The following PPP2R5E variants were observed in gnomAD, a reference collection of about 807,000 sequenced individuals.
PPP2R5E encodes serine/threonine-protein phosphatase 2A 56 kDa regulatory subunit epsilon isoform.
In PPP2R5E, 4 loss-of-function variants were observed where a neutral mutation model predicts 65.3. That is an observed-to-expected ratio of 0.06 (90% confidence interval 0.03 to 0.14). The LOEUF is 0.14. Ranked by LOEUF, PPP2R5E falls within the 10% of genes least tolerant of loss-of-function variation. The probability of loss-of-function intolerance (pLI) is 1.00; values close to 1 mark genes in which losing one functional copy is unlikely to be tolerated. For synonymous variants in PPP2R5E, 183 were observed against 187.4 expected (o/e 0.98, Z 0.19); for missense variants, 274 against 556.1 (o/e 0.49, Z 5.10).
chr14:63,520,558 T>C (rs544231685), intron 2 of PPP2R5E, among the ~76,000 whole-genome samples: 34 of 152,312 alleles, frequency 2.2e-4, no homozygotes, highest in Admixed American at 7.2e-4. Context: ...TGGTGTATCA[T>C]ATGGCTCAAC....
chr14:63,419,800 A>G (rs1444400351), intron 4 of PPP2R5E, among the ~76,000 whole-genome samples: 1 of 152,224 alleles, frequency 6.6e-6, no homozygotes, highest in Non-Finnish European at 1.5e-5. Context: ...CAGGATGTCA[A>G]CACACATGAA....
chr14:63,485,324 G>A (rs911484095), intron 2 of PPP2R5E, among the ~76,000 whole-genome samples: 10 of 151,932 alleles, frequency 6.6e-5, no homozygotes, highest in Non-Finnish European at 1.0e-4. Flanking sequence ...AGCAGGTCTC[G>A]AACTCTTGGC....
At chr14:63,469,032 C>A (rs1889979691) in intron 2 of PPP2R5E, among the ~76,000 whole-genome samples, 1 of 152,176 alleles carries the variant, frequency 6.6e-6, no homozygotes, top group South Asian at 2.1e-4. Flanking sequence ...TTTCAACCTT[C>A]CCACAACACG....
In PPP2R5E at chr14:63,433,032, G is replaced by GTTTTTTTTTTTTTTTTTT. The variant is rs747571866; in HGVS notation, c.355-10956_355-10939dup. ...ACAGTTTTGTTTTTTGTTTTGTTTT[G>GTTTTTTTTTTTTTTTTTT]TTTTTTTTTTTTTTTTTTTTTTTGA... On this transcript the variant is annotated intron_variant, in intron 3 of 13. Coordinates refer to ENST00000337537, the MANE Select transcript of PPP2R5E (RefSeq NM_006246.5). Among the ~76,000 whole-genome samples, 61 of 96,454 alleles carry GTTTTTTTTTTTTTTTTTT rather than the reference G, an allele frequency of 6.3e-4. 1 individual carries two copies. Among genetic ancestry groups the GTTTTTTTTTTTTTTTTTT allele is most frequent in the East Asian group, 9.6e-4 (3 of 3,122 alleles). 63.3% of individuals were successfully genotyped at this position (96,454 alleles called of 152,430 possible).
At chr14:63,542,605 T>C (rs538284597) in intron 1 of PPP2R5E, among the ~76,000 whole-genome samples, 174 bp downstream of exon 1, 126 of 151,978 alleles carry the variant, frequency 8.3e-4, no homozygotes, top group African/African-American at 2.9e-3. Context: ...ATCAGAAGCA[T>C]TTGTAGGTAA....
chr14:63,460,056 G>A (rs1457302205), intron 2 of PPP2R5E, among the ~76,000 whole-genome samples: 1 of 152,166 alleles, frequency 6.6e-6, no homozygotes, highest in Non-Finnish European at 1.5e-5. Flanking sequence ...GTCATAGAAT[G>A]ACTAGCACAG....
At chr14:63,528,621 A>G (rs982831293) in intron 2 of PPP2R5E, among the ~76,000 whole-genome samples, 6 of 152,204 alleles carry the variant, frequency 3.9e-5, no homozygotes, top group Non-Finnish European at 8.8e-5. Flanking sequence ...AAAAGTTTTC[A>G]TTAAACAAGT....
Position 63,395,370 on chromosome 14 carries a change from G to GGGGGAGGAGGA in PPP2R5E, c.681-96_681-86dup, listed in dbSNP as rs1267218966. ...AAAAAGAGGAGGAGGAGGAGGAGAA[G>GGGGGAGGAGGA]GGGGAGGAGGAGGAGAAGAGGAGGA... is the stretch of plus-strand genomic sequence containing the variant. On this transcript the variant is annotated intron_variant, in intron 6 of 13. Coordinates refer to ENST00000337537, the MANE Select transcript of PPP2R5E (RefSeq NM_006246.5). 4 of 815,762 alleles carry GGGGGAGGAGGA rather than the reference G, an allele frequency of 4.9e-6. No individual in the cohort carries two copies. The Admixed American group carries it at 8.8e-5, about 18-fold the overall frequency. The allele number at this position is 815,762 out of a possible 1,614,324, so 50.5% of individuals were successfully genotyped here.
chr14:63,384,600 G>A, intron 11 of PPP2R5E, 29 bp from the exon 12 acceptor site: 1 of 1,557,688 alleles, frequency 6.4e-7, no homozygotes, highest in Non-Finnish European at 8.7e-7. Context: ...AAAATGTTAA[G>A]AGAGAGAAAA....
chr14:63,476,533 G>C (rs1890420629), intron 2 of PPP2R5E, among the ~76,000 whole-genome samples: 1 of 152,092 alleles, frequency 6.6e-6, no homozygotes, highest in African/African-American at 2.4e-5. Context: ...TAATAAGGAG[G>C]CTTCAAATCC....
intron 11 of PPP2R5E, among the ~76,000 whole-genome samples, chr14:63,386,863 G>A (rs1035568480): frequency 1.3e-5 from 2 of 151,342 alleles, no homozygotes; most frequent in African/African-American, 4.9e-5. Context: ...GGCAGATGCT[G>A]CAGTGAACTG....
chr14:63,422,743 A>T (rs1264938884), intron 3 of PPP2R5E, among the ~76,000 whole-genome samples: 1 of 118,082 alleles, frequency 8.5e-6, no homozygotes, highest in Non-Finnish European at 1.7e-5. Flanking sequence ...AAAAAAAAAA[A>T]AAAAAAAAAA....
At chr14:63,385,876 G>C (rs1323335452) in intron 11 of PPP2R5E, among the ~76,000 whole-genome samples, 1 of 152,180 alleles carries the variant, frequency 6.6e-6, no homozygotes, top group Admixed American at 6.5e-5. Context: ...AGGGACACTG[G>C]CTGCACCTAC....
At chr14:63,481,966 T>C (rs766689200) in intron 2 of PPP2R5E, among the ~76,000 whole-genome samples, 8 of 152,266 alleles carry the variant, frequency 5.3e-5, no homozygotes, top group Non-Finnish European at 8.8e-5. Flanking sequence ...AGGAAACAAA[T>C]TGCTGTCCAC....
At chr14:63,447,088 A>G (rs778943887) in intron 3 of PPP2R5E, among the ~76,000 whole-genome samples, 2 of 152,162 alleles carry the variant, frequency 1.3e-5, no homozygotes, top group Non-Finnish European at 2.9e-5. Flanking sequence ...CATGGTTGTT[A>G]GACGCCCTAA....
At chr14:63,474,999 G>A (rs1413358090) in intron 2 of PPP2R5E, among the ~76,000 whole-genome samples, 3 of 152,190 alleles carry the variant, frequency 2.0e-5, no homozygotes, top group Non-Finnish European at 4.4e-5. Context: ...TTTCTACAAG[G>A]AAAATGTGGA....
chr14:63,464,193 G>A (rs879472701), intron 2 of PPP2R5E, among the ~76,000 whole-genome samples: 14 of 152,048 alleles, frequency 9.2e-5, no homozygotes, highest in African/African-American at 2.4e-4. Context: ...ATAATGAAGA[G>A]GAGACAAAAG....
At chr14:63,523,742 C>G (rs1893070560) in intron 2 of PPP2R5E, among the ~76,000 whole-genome samples, 1 of 137,468 alleles carries the variant, frequency 7.3e-6, no homozygotes, top group Non-Finnish European at 1.6e-5. Flanking sequence ...AGGTTACACG[C>G]TAAAAAAAAA....
chr14:63,378,075 A>G (rs988302749), intron 13 of PPP2R5E, among the ~76,000 whole-genome samples: 1 of 152,306 alleles, frequency 6.6e-6, no homozygotes, highest in Non-Finnish European at 1.5e-5. Context: ...ACAAATTATC[A>G]CTTTTTGTTT....
Sources: gnomAD v4.1 joint callset for allele counts (sites outside exome capture counted in the v4.1 genomes callset) on GRCh38, gnomAD v4.1.1 for gene constraint, MANE v1.5 for transcripts, NCBI Gene and HGNC (gene_info 2026-07-23, HGNC 2026-07-21) for gene names.